FTO: variants seen among roughly 807,000 people sequenced by gnomAD.
The protein encoded by FTO is FTO alpha-ketoglutarate dependent dioxygenase.
FTO carries 47 observed loss-of-function variants against 63.9 expected under a neutral mutation model. The ratio of observed to expected loss-of-function variants is 0.74; its 90% confidence interval spans 0.58 to 0.94. The LOEUF is 0.94. FTO is among the 40% of genes least tolerant of loss of function. The pLI, the probability that FTO is intolerant of heterozygous loss-of-function variation, is 0.00. For synonymous variants in FTO, 207 were observed against 224.4 expected, an observed-to-expected ratio of 0.92 and a Z score of 0.69; for missense variants, 562 against 618.1, an observed-to-expected ratio of 0.91 and a Z score of 0.96.
At chr16:53,982,927 C>T in intron 8 of FTO, among the ~76,000 whole-genome samples, 1 of 152,198 alleles carries the variant, frequency 6.6e-6, no homozygotes, top group African/African-American at 2.4e-5. Flanking sequence ...GCAAACACTA[C>T]CCAAGCGGGT....
chr16:53,765,942 G>C (rs1337917015), intron 1 of FTO, among the ~76,000 whole-genome samples: 1 of 152,150 alleles, frequency 6.6e-6, no homozygotes, highest in Non-Finnish European at 1.5e-5. Flanking sequence ...CGTGTGTGTG[G>C]AGTGACTTAC....
At chr16:53,976,147 C>A (rs1404630239) in intron 8 of FTO, among the ~76,000 whole-genome samples, 4 of 152,070 alleles carry the variant, frequency 2.6e-5, no homozygotes, top group African/African-American at 7.2e-5. Context: ...ATATATTATT[C>A]TTTTCTCTTA....
At chr16:54,104,599 C>A (rs1490975039) in intron 8 of FTO, among the ~76,000 whole-genome samples, 2 of 152,218 alleles carry the variant, frequency 1.3e-5, no homozygotes, top group African/African-American at 4.8e-5. Flanking sequence ...GTGTGAACCA[C>A]CTTGCCTGGC....
intron 6 of FTO, among the ~76,000 whole-genome samples, chr16:53,880,409 G>A (rs2080790388): frequency 6.6e-6 from 1 of 152,190 alleles, no homozygotes; most frequent in African/African-American, 2.4e-5. Flanking sequence ...GTCACAGATG[G>A]AGGACAGGTT....
chr16:53,738,139 C>G (rs1252879605), intron 1 of FTO, among the ~76,000 whole-genome samples: 1 of 151,562 alleles, frequency 6.6e-6, no homozygotes, highest in East Asian at 1.9e-4. Flanking sequence ...GATTCTGCCT[C>G]AGCCTTCCGG....
intron 8 of FTO, among the ~76,000 whole-genome samples, chr16:54,088,987 T>C (rs1481789100): frequency 1.3e-5 from 2 of 152,164 alleles, no homozygotes; most frequent in African/African-American, 2.4e-5. Context: ...ACAAATCCAA[T>C]AGGAGATGGC....
intron 1 of FTO, among the ~76,000 whole-genome samples, chr16:53,804,109 T>C (rs1205453733): frequency 6.6e-6 from 1 of 152,210 alleles, no homozygotes; most frequent in East Asian, 1.9e-4. Context: ...ATTAATATCA[T>C]TTACATCTCA....
chr16:53,727,185 T>G (rs2076173869), intron 1 of FTO, among the ~76,000 whole-genome samples: 1 of 152,224 alleles, frequency 6.6e-6, no homozygotes, highest in African/African-American at 2.4e-5. Flanking sequence ...TCTCAAGTGG[T>G]CTAAGTTTCA....
chr16:53,844,431 G>T, intron 4 of FTO, 133 bp downstream of exon 4: 5 of 741,316 alleles, frequency 6.7e-6, no homozygotes, highest in Middle Eastern at 3.8e-4. Flanking sequence ...TTCTTTATAA[G>T]AACATGTAAC....
intron 8 of FTO, among the ~76,000 whole-genome samples, chr16:53,958,647 G>A (rs532237410): frequency 3.9e-5 from 6 of 152,326 alleles, no homozygotes; most frequent in African/African-American, 1.4e-4. Context: ...GAAGCAGCCT[G>A]GGAACTGGGA....
chr16:53,778,354 T>C (rs1327159330), intron 1 of FTO, among the ~76,000 whole-genome samples: 1 of 152,202 alleles, frequency 6.6e-6, no homozygotes, highest in Admixed American at 6.5e-5. Context: ...AAACATCACA[T>C]TGTACTCCAT....
chr16:53,748,411 T>A (rs2076697989), intron 1 of FTO, among the ~76,000 whole-genome samples: 1 of 152,190 alleles, frequency 6.6e-6, no homozygotes, highest in Non-Finnish European at 1.5e-5. Flanking sequence ...AAGTATTATT[T>A]TTTCACAACT....
intron 8 of FTO, among the ~76,000 whole-genome samples, chr16:54,023,790 GGACT>G (rs2084653823): frequency 6.6e-6 from 1 of 152,032 alleles, no homozygotes; most frequent in South Asian, 2.1e-4. Context: ...TGGGGGAGTG[GGACT>G]TCACCATGGT....
chr16:53,748,291 A>G (rs1346374626), intron 1 of FTO, among the ~76,000 whole-genome samples: 1 of 152,128 alleles, frequency 6.6e-6, no homozygotes, highest in Non-Finnish European at 1.5e-5. Context: ...CTTCTAGTCT[A>G]TGACATGGGA....
intron 8 of FTO, among the ~76,000 whole-genome samples, chr16:54,067,937 G>C (rs1048865034): frequency 6.6e-6 from 1 of 152,214 alleles, no homozygotes; most frequent in East Asian, 1.9e-4. Context: ...TTACTGACGG[G>C]CTGTCACTCA....
chr16:54,109,983 C>T (rs1057256684), intron 8 of FTO, among the ~76,000 whole-genome samples: 6 of 152,190 alleles, frequency 3.9e-5, no homozygotes, highest in Non-Finnish European at 7.3e-5. Context: ...TTGAGCATTA[C>T]TCTAGGATTC....
chr16:53,840,809 A>G (rs1185094979), intron 3 of FTO, among the ~76,000 whole-genome samples: 1 of 152,090 alleles, frequency 6.6e-6, no homozygotes, highest in Non-Finnish European at 1.5e-5. Context: ...TCCTTGTCTA[A>G]AATGGGCAGC....
chr16:53,856,302 A>G (rs1026216971), intron 4 of FTO, among the ~76,000 whole-genome samples: 2 of 151,810 alleles, frequency 1.3e-5, no homozygotes, highest in African/African-American at 2.4e-5. Flanking sequence ...GTCAGACTAT[A>G]TACCTCATGC....
At chr16:53,811,777 C>T (rs1440403300) in intron 2 of FTO, among the ~76,000 whole-genome samples, 1 of 152,062 alleles carries the variant, frequency 6.6e-6, no homozygotes, top group African/African-American at 2.4e-5. Context: ...TTGCTACGTC[C>T]TCTGCTGACG....
Sources: allele counts gnomAD v4.1 joint callset (sites outside exome capture counted in the v4.1 genomes callset), GRCh38; gene constraint gnomAD v4.1.1; transcripts MANE v1.5; gene names NCBI Gene and HGNC (gene_info 2026-07-23, HGNC 2026-07-21).